MAPK8IP3: variants seen among roughly 807,000 people sequenced by gnomAD.
MAPK8IP3 encodes the protein C-Jun-amino-terminal kinase-interacting protein 3.
Under a neutral mutation model 157.8 loss-of-function variants are expected in MAPK8IP3, and 49 were observed. The ratio of observed to expected loss-of-function variants is 0.31; its 90% CI spans 0.25 to 0.39. MAPK8IP3 has a LOEUF of 0.39. MAPK8IP3 is among the 10% of genes least tolerant of loss of function. The pLI is 1.00. For missense variants in MAPK8IP3, 1,478 were observed against 1,889.4 expected, an observed-to-expected ratio of 0.78 and a Z score of 4.04; for synonymous variants, 897 against 777.7, an observed-to-expected ratio of 1.15 and a Z score of -2.55.
At position 1,766,728 on chromosome 16, in the gene MAPK8IP3, A is replaced by G. The variant is rs1372277765; in HGVS notation, c.2945A>G (p.Tyr982Cys). ...ATCGCCGCTTCCTTCCCTAGGCTCT[A>G]TGTGCACTCGGCTGTGGCCAACTGG... Reference protein sequence around the residue: ...MWLGAQNGWLYVHSAVANWKK... With the variant: ...MWLGAQNGWLCVHSAVANWKK... The change falls in exon 24 of 32, where the codon TAT becomes TGT. Residue 982 changes from tyrosine (Y) to cysteine (C), a missense_variant. Coordinates refer to ENST00000610761, the MANE Select transcript of MAPK8IP3 (RefSeq NM_001318852.2). 2.5e-6 allele frequency: 4 copies of G among 1,612,796 alleles called. No individual in the cohort carries two copies. The highest frequency in any genetic ancestry group is 3.4e-6 in the Non-Finnish European group (4 of 1,179,924).
At chr16:1,749,937 T>C (rs2041194449) in intron 8 of MAPK8IP3, among the ~76,000 whole-genome samples, 1 of 152,204 alleles carries the variant, frequency 6.6e-6, no homozygotes, top group African/African-American at 2.4e-5. Context: ...TAACATAATA[T>C]TCACCATGTT....
intron 5 of MAPK8IP3, 70 bp from the exon 6 acceptor site, chr16:1,746,959 A>G: frequency 6.5e-7 from 1 of 1,550,224 alleles, no homozygotes; most frequent in Non-Finnish European, 8.7e-7. Flanking sequence ...GGCCTCAGGC[A>G]GCCACGGCGG....
intron 8 of MAPK8IP3, among the ~76,000 whole-genome samples, chr16:1,753,118 G>A (rs1258489282): frequency 6.6e-6 from 1 of 152,216 alleles, no homozygotes; most frequent in Non-Finnish European, 1.5e-5. Context: ...GGCAGGTGGA[G>A]AGCGACATCC....
intron 4 of MAPK8IP3, among the ~76,000 whole-genome samples, chr16:1,730,393 C>G (rs2039226394): frequency 1.3e-5 from 2 of 151,422 alleles, no homozygotes; most frequent in South Asian, 2.1e-4. Context: ...CACTTGAGGT[C>G]AGGAGCTCGA....
chr16:1,761,201 C>G (rs1347445748), intron 12 of MAPK8IP3, 23 bp from the exon 13 acceptor site: 1 of 1,607,614 alleles, frequency 6.2e-7, no homozygotes, highest in South Asian at 1.1e-5. Flanking sequence ...CTCACCCTCC[C>G]TGCCTCCTTC....
chr16:1,727,716 C>T (rs746841274), intron 2 of MAPK8IP3, among the ~76,000 whole-genome samples: 3 of 152,182 alleles, frequency 2.0e-5, no homozygotes, highest in Non-Finnish European at 4.4e-5. Context: ...GCGCTGACGC[C>T]TATGCTGCTC....
intron 2 of MAPK8IP3, among the ~76,000 whole-genome samples, chr16:1,726,820 G>T (rs967071948): frequency 3.7e-4 from 57 of 152,372 alleles, no homozygotes; most frequent in African/African-American, 1.3e-3. Context: ...AGGCTGTGGG[G>T]CTCTGACCTC....
At chr16:1,714,336 AG>A (rs554120651) in intron 1 of MAPK8IP3, 60 of 146,042 alleles carry the variant, frequency 4.1e-4, no homozygotes, top group South Asian at 3.5e-3. Flanking sequence ...TCCGCTTATG[AG>A]GGGGGTGCGT....
intron 11 of MAPK8IP3, 161 bp downstream of exon 11, chr16:1,760,176 GT>G (rs1286172059): frequency 9.3e-6 from 9 of 970,324 alleles, no homozygotes; most frequent in African/African-American, 3.3e-5. Flanking sequence ...ACTCTGCCTG[GT>G]TTCTTTACGA....
intron 7 of MAPK8IP3, 56 bp downstream of exon 7, chr16:1,748,402 G>A: frequency 6.8e-7 from 1 of 1,463,130 alleles, no homozygotes; most frequent in Non-Finnish European, 9.5e-7. Flanking sequence ...ATCCAAGTCG[G>A]TGTCTTTGGT....
intron 8 of MAPK8IP3, among the ~76,000 whole-genome samples, chr16:1,750,195 A>T (rs754042297): frequency 6.6e-6 from 1 of 151,036 alleles, no homozygotes; most frequent in Non-Finnish European, 1.5e-5. Context: ...TACATAATTC[A>T]GATAATGTTT....
At position 1,744,143 on chromosome 16, in the gene MAPK8IP3, C is replaced by T. The variant is rs1249686787; in HGVS notation, c.747+667C>T. On this transcript the variant is annotated intron_variant, in intron 5 of 31. Coordinates refer to ENST00000610761, the MANE Select transcript of MAPK8IP3 (RefSeq NM_001318852.2). ...AGGCCACTCCTTCAGGGCCCCAGGT[C>T]GCTTGCTGCCAGTTTTGGCCTGTGA... is the stretch of plus-strand genomic sequence containing the variant. 9.1e-6 allele frequency: 9 copies of T among 985,528 alleles called. No homozygotes were observed. The South Asian group carries it at 2.3e-4, about 26-fold the overall frequency. The allele number at this position is 985,528 out of a possible 1,614,324, so 61.0% of individuals were successfully genotyped here.
chr16:1,733,560 C>A (rs922302569), intron 4 of MAPK8IP3, among the ~76,000 whole-genome samples: 3 of 152,202 alleles, frequency 2.0e-5, no homozygotes, highest in Admixed American at 2.0e-4. Context: ...CAGAAGGTGG[C>A]CCAGGAACCT....
At chr16:1,719,781 G>C (rs535913183) in intron 1 of MAPK8IP3, among the ~76,000 whole-genome samples, 1 of 152,108 alleles carries the variant, frequency 6.6e-6, no homozygotes, top group East Asian at 1.9e-4. Context: ...GCGAGGTCAA[G>C]GCTGCAGTGG....
Position 1,706,395 on chromosome 16 carries a change from A to G in MAPK8IP3, c.56A>G (p.Tyr19Cys), listed in dbSNP as rs781574469. 10 of 1,612,986 alleles carry G rather than the reference A, an allele frequency of 6.2e-6. No individual in the cohort carries two copies. The highest frequency in any genetic ancestry group is 3.3e-5 in the Admixed American group (2 of 59,948). Reference sequence around the variant, plus strand: ...GGCGTGGTGGTGTACCAGGACGACTACTGCTCCGGCTCGGTGATGTCGGAG... The same window carrying G: ...GGCGTGGTGGTGTACCAGGACGACTGCTGCTCCGGCTCGGTGATGTCGGAG... Reference protein sequence around the residue: ...GGGVVVYQDDYCSGSVMSERV... With the variant: ...GGGVVVYQDDCCSGSVMSERV... Residue 19 changes from tyrosine (Y) to cysteine (C), a missense_variant, in exon 1 of 32, where the codon TAC becomes TGC. Around this residue, in one of 11 missense-constraint regions of MAPK8IP3, gnomAD observed 29 missense variants for 29.8 expected, o/e 0.97. Transcript: ENST00000610761. The surrounding 1 kb of genome is among the most constrained non-coding windows in gnomAD (Gnocchi z 5.1).
chr16:1,747,303 C>G, intron 6 of MAPK8IP3, 28 bp downstream of exon 6: 1 of 1,604,756 alleles, frequency 6.2e-7, no homozygotes, highest in Non-Finnish European at 8.5e-7. Flanking sequence ...GGACTCTGGG[C>G]TCCCTCGGGC....
chr16:1,768,676 G>A, intron 31 of MAPK8IP3, 27 bp from the exon 32 acceptor site: 1 of 1,611,320 alleles, frequency 6.2e-7, no homozygotes, highest in Non-Finnish European at 8.5e-7. Context: ...GGGGAGCCTG[G>A]CCGTCACTCT....
intron 9 of MAPK8IP3, among the ~76,000 whole-genome samples, chr16:1,758,370 C>T (rs949467896): frequency 6.6e-6 from 1 of 152,210 alleles, no homozygotes; most frequent in African/African-American, 2.4e-5. Flanking sequence ...TATCCAACCC[C>T]CCCAGCCTGA....
At chr16:1,737,641 C>T (rs369927769) in intron 4 of MAPK8IP3, among the ~76,000 whole-genome samples, 62 of 35,422 alleles carry the variant, frequency 1.8e-3, no homozygotes, top group Admixed American at 2.6e-3. Flanking sequence ...TGTGAGCATC[C>T]GTGTGACTGT....
Sources: gnomAD v4.1 joint callset for allele counts (sites outside exome capture counted in the v4.1 genomes callset) on GRCh38, gnomAD v4.1.1 for gene constraint, gnomAD v4.1.1 regional missense constraint, Gnocchi (gnomAD v3.1) non-coding constraint, MANE v1.5 for transcripts, NCBI Gene and HGNC (gene_info 2026-07-23, HGNC 2026-07-21) for gene names.